The following SGF29 variants were observed in gnomAD, a reference collection of about 807,000 sequenced individuals.
SGF29 encodes SAGA complex associated factor 29.
In SGF29, 15 loss-of-function variants were observed where a neutral mutation model predicts 38.1. That is an observed-to-expected ratio of 0.39 (90% confidence interval 0.26 to 0.61). The LOEUF is 0.61. Ranked by LOEUF, SGF29 falls within the 20% of genes least tolerant of loss-of-function variation. The pLI, the probability that SGF29 is intolerant of heterozygous loss-of-function variation, is 0.49. For synonymous variants in SGF29, 151 were observed against 160.8 expected (o/e 0.94, Z 0.46); for missense variants, 184 against 394.6 (o/e 0.47, Z 4.52).
At chr16:28,567,327 AG>A (rs2046840948) in intron 1 of SGF29, among the ~76,000 whole-genome samples, 1 of 152,230 alleles carries the variant, frequency 6.6e-6, no homozygotes, top group African/African-American at 2.4e-5. Context: ...ATAGTTTTGA[AG>A]GTGCCATCTT....
intron 4 of SGF29, among the ~76,000 whole-genome samples, chr16:28,588,085 C>A (rs1596608459): frequency 6.6e-6 from 1 of 152,246 alleles, no homozygotes; most frequent in East Asian, 1.9e-4. Context: ...CAGGCGTGAG[C>A]CACCACACCC....
Position 28,585,685 on chromosome 16 carries a change from C to T in SGF29, c.189C>T (p.Tyr63=). Residue 63 remains tyrosine (Y), a synonymous_variant, in exon 4 of 10, where the codon TAC becomes TAT. Coordinates refer to ENST00000317058, the MANE Select transcript of SGF29 (RefSeq NM_138414.3). Reference sequence around the variant, plus strand: ...ACCGGACAAAGCTGCGTGGCCTCTACACAACCGCCAAGGCCGATGCAGAGG... The same window carrying T: ...ACCGGACAAAGCTGCGTGGCCTCTATACAACCGCCAAGGCCGATGCAGAGG... ...PYYRTKLRGL[Y]TTAKADAEAE... The T allele has an allele frequency of 1.1e-5, 18 of 1,614,232 alleles. No individual in the cohort carries two copies. Among genetic ancestry groups the T allele is most frequent in the East Asian group, 2.2e-5 (1 of 44,876 alleles).
At chr16:28,579,433 T>C (rs549519320) in intron 1 of SGF29, among the ~76,000 whole-genome samples, 1 of 151,064 alleles carries the variant, frequency 6.6e-6, no homozygotes, top group Non-Finnish European at 1.5e-5. Flanking sequence ...AATTTTTGTA[T>C]TTTTAGTAGA....
intron 2 of SGF29, among the ~76,000 whole-genome samples, chr16:28,584,021 A>T (rs2046941228): frequency 6.6e-6 from 1 of 151,090 alleles, no homozygotes; most frequent in Non-Finnish European, 1.5e-5. Flanking sequence ...TTTAACTTTA[A>T]TGCCTTCTTT....
chr16:28,575,093 G>A (rs2046885223), intron 1 of SGF29, among the ~76,000 whole-genome samples: 1 of 152,116 alleles, frequency 6.6e-6, no homozygotes, highest in South Asian at 2.1e-4. Context: ...GTTGTCCAGT[G>A]CATCCCTTCT....
At chr16:28,580,511 C>T (rs1333725535) in intron 1 of SGF29, among the ~76,000 whole-genome samples, 1 of 140,888 alleles carries the variant, frequency 7.1e-6, no homozygotes, top group Non-Finnish European at 1.6e-5. Context: ...TTGCAGCTGT[C>T]CAAGTCCAGT....
At chr16:28,564,573 ATATACACG>A (rs2046813422) in intron 1 of SGF29, among the ~76,000 whole-genome samples, 2 of 133,144 alleles carry the variant, frequency 1.5e-5, no homozygotes, top group African/African-American at 5.5e-5. Context: ...ATACGTATAT[ATATACACG>A]TATATATATA....
intron 1 of SGF29, among the ~76,000 whole-genome samples, chr16:28,567,864 G>T (rs767658351): frequency 7.2e-5 from 11 of 152,180 alleles, no homozygotes; most frequent in Non-Finnish European, 1.3e-4. Flanking sequence ...AAAGGAACAA[G>T]CCTAGGCAAA....
chr16:28,589,160 G>A lies in SGF29; in HGVS notation c.285G>A (p.Arg95=). ...TCAAGTCTCTGTTGGAAGAGAGGCGGATTGGTGAGTGGGAGAGAACATGCT... is the reference window on the plus strand; with the variant it reads ...TCAAGTCTCTGTTGGAAGAGAGGCGAATTGGTGAGTGGGAGAGAACATGCT... The part of the protein sequence containing the change: ...AEIKSLLEER[R]IAAKIAGLYN... The change falls in exon 5 of 10, where the codon CGG becomes CGA. Residue 95 remains arginine (R), a synonymous_variant. Transcript: ENST00000317058. 1 of 1,614,172 alleles carries A rather than the reference G, an allele frequency of 6.2e-7. No homozygotes were observed. Among genetic ancestry groups the A allele is most frequent in the Non-Finnish European group, 8.5e-7 (1 of 1,179,974 alleles).
intron 1 of SGF29, among the ~76,000 whole-genome samples, chr16:28,575,409 G>A (rs576885115): frequency 6.6e-6 from 1 of 152,294 alleles, no homozygotes; most frequent in African/African-American, 2.4e-5. Flanking sequence ...GGCTGGACAC[G>A]GTGGCTCACA....
intron 1 of SGF29, among the ~76,000 whole-genome samples, chr16:28,560,235 C>A (rs558347449): frequency 0.012 from 1,775 of 145,180 alleles, 17 homozygotes; most frequent in African/African-American, 0.016. Flanking sequence ...AAAAAAAAAA[C>A]CACGAAAATT....
At chr16:28,556,722 T>C (rs1381219977) in intron 1 of SGF29, among the ~76,000 whole-genome samples, 1 of 151,570 alleles carries the variant, frequency 6.6e-6, no homozygotes, top group Non-Finnish European at 1.5e-5. Flanking sequence ...TATAGCTCAT[T>C]ATTCCCAAAT....
At chr16:28,582,394 A>T (rs1038472339) in intron 2 of SGF29, among the ~76,000 whole-genome samples, 4 of 152,188 alleles carry the variant, frequency 2.6e-5, no homozygotes, top group Non-Finnish European at 5.9e-5. Context: ...GGCACGCAAC[A>T]TGATGCGTTG....
At chr16:28,589,388 G>C (rs896155933) in intron 5 of SGF29, 1 of 533,924 alleles carries the variant, frequency 1.9e-6, no homozygotes, top group Admixed American at 3.2e-5. Flanking sequence ...AGATCATCCC[G>C]CCCTGGCCCC....
chr16:28,586,957 C>T (rs1227631384), intron 4 of SGF29, among the ~76,000 whole-genome samples: 4 of 152,186 alleles, frequency 2.6e-5, no homozygotes, highest in Admixed American at 2.6e-4. Flanking sequence ...AAGTGATCCT[C>T]CTGCCTCAGC....
At chr16:28,569,749 G>A (rs764001983) in intron 1 of SGF29, among the ~76,000 whole-genome samples, 1 of 152,230 alleles carries the variant, frequency 6.6e-6, no homozygotes, top group Non-Finnish European at 1.5e-5. Context: ...TGGAAGCCAG[G>A]TACTAATCAA....
chr16:28,575,685 A>T (rs923010620), intron 1 of SGF29, among the ~76,000 whole-genome samples: 1 of 152,234 alleles, frequency 6.6e-6, no homozygotes, highest in African/African-American at 2.4e-5. Context: ...ACTCCGTCTC[A>T]AAACAAACAA....
chr16:28,560,458 G>A (rs1241167287), intron 1 of SGF29, among the ~76,000 whole-genome samples: 9 of 151,134 alleles, frequency 6.0e-5, no homozygotes, highest in Admixed American at 2.6e-4. Context: ...ACGTGGTGGC[G>A]CACACCTGTA....
chr16:28,590,252 G>T lies in SGF29; in HGVS notation c.419+27G>T, dbSNP rs367762239. On this transcript the variant is annotated intron_variant, in intron 6 of 9. Coordinates refer to ENST00000317058, the MANE Select transcript of SGF29 (RefSeq NM_138414.3). The surrounding 1 kb of genome is among the most constrained non-coding windows in gnomAD (Gnocchi z 8.2). The stretch of plus-strand genomic sequence containing the variant: ...TGAGGGCAGCAGCTGCGAGGGAGGG[G>T]CTGGTGCCCAGGGGCTGGGACTGAC... The T allele has an allele frequency of 1.2e-6, 2 of 1,609,462 alleles. No homozygotes were observed. Among genetic ancestry groups the T allele is most frequent in the African/African-American group, 1.3e-5 (1 of 75,010 alleles).
Sources: allele counts gnomAD v4.1 joint callset (sites outside exome capture counted in the v4.1 genomes callset), GRCh38; gene constraint gnomAD v4.1.1; non-coding constraint Gnocchi (gnomAD v3.1); transcripts MANE v1.5; gene names NCBI Gene and HGNC (gene_info 2026-07-23, HGNC 2026-07-21).